PPP4R3B: variants seen among roughly 807,000 people sequenced by gnomAD.
The protein encoded by PPP4R3B is serine/threonine-protein phosphatase 4 regulatory subunit 3B.
A neutral mutation model predicts 95.4 loss-of-function variants in PPP4R3B; 52 were observed. That is an observed-to-expected ratio of 0.54 (90% CI 0.44 to 0.69). PPP4R3B has a LOEUF of 0.69. Ranked by LOEUF, PPP4R3B falls within the 30% of genes least tolerant of loss-of-function variation. PPP4R3B has a pLI of 0.00. For missense variants in PPP4R3B, 1,003 were observed against 1,005.9 expected, an observed-to-expected ratio of 1.00 and a Z score of 0.04; for synonymous variants, 407 against 343.9, an observed-to-expected ratio of 1.18 and a Z score of -2.03.
At chr2:55,578,920 T>C (rs1689061912) in intron 9 of PPP4R3B, among the ~76,000 whole-genome samples, 1 of 152,110 alleles carries the variant, frequency 6.6e-6, no homozygotes. Flanking sequence ...TATGTTAGTA[T>C]GTAGTATGGT....
chr2:55,604,279 T>C lies in PPP4R3B; in HGVS notation c.199-203A>G, dbSNP rs2627763. ...ATACTAAAAATGACTGAGCAATTTT[T>C]TAAAACAAAAAATATTAAAACAGGC... On this transcript the variant is annotated intron_variant, in intron 2 of 16. Transcript: ENST00000616407. Among the ~76,000 whole-genome samples, 142,315 of 152,248 alleles carry C rather than the reference T, an allele frequency of 0.93. 67,103 individuals are homozygous for C. The highest frequency in any genetic ancestry group is 0.98 in the African/African-American group (40,780 of 41,552).
At chr2:55,554,471 T>C (rs548441112) in intron 16 of PPP4R3B, among the ~76,000 whole-genome samples, 1 of 152,368 alleles carries the variant, frequency 6.6e-6, no homozygotes, top group Non-Finnish European at 1.5e-5. Context: ...AATGCTATCA[T>C]ATTGTGATTT....
At chr2:55,587,230 G>A (rs1690267672) in intron 5 of PPP4R3B, among the ~76,000 whole-genome samples, 1 of 152,204 alleles carries the variant, frequency 6.6e-6, no homozygotes, top group Non-Finnish European at 1.5e-5. Context: ...TACTTTTAAT[G>A]GGGTGCCAGT....
At chr2:55,571,704 C>T (rs966477008) in intron 12 of PPP4R3B, among the ~76,000 whole-genome samples, 2 of 152,206 alleles carry the variant, frequency 1.3e-5, no homozygotes, top group African/African-American at 4.8e-5. Flanking sequence ...CAGCTCACTG[C>T]AACCCCCGTC....
intron 15 of PPP4R3B, among the ~76,000 whole-genome samples, chr2:55,562,577 T>C (rs1317359886): frequency 6.6e-6 from 1 of 152,220 alleles, no homozygotes; most frequent in Non-Finnish European, 1.5e-5. Flanking sequence ...CTGTTAAGCC[T>C]ACAGAACTGT....
chr2:55,584,089 T>C lies in PPP4R3B; in HGVS notation c.1233+962A>G, dbSNP rs573664059. On this transcript the variant is annotated intron_variant, in intron 7 of 16. Coordinates refer to ENST00000616407, the MANE Select transcript of PPP4R3B (RefSeq NM_001122964.3). ...GCGTGGTGGCGCACAGAGGTTACAG[T>C]GAGCCGAGAATGCGCCATTGCACTC... is the stretch of plus-strand genomic sequence containing the variant. Among the ~76,000 whole-genome samples, 13 of 152,056 alleles carry C rather than the reference T, an allele frequency of 8.5e-5. No individual in the cohort carries two copies. In the East Asian group the frequency reaches 2.5e-3, roughly 29 times the overall value.
chr2:55,564,511 A>G lies in PPP4R3B; in HGVS notation c.2076-14T>C, dbSNP rs1687039138. ...ATAGATGGTACACTGTAAGAAATATATCACAAATATTGAGTAATGATTTAA... is the reference window on the plus strand; with the variant it reads ...ATAGATGGTACACTGTAAGAAATATGTCACAAATATTGAGTAATGATTTAA... On this transcript the variant is annotated splice_polypyrimidine_tract_variant and intron_variant, in intron 14 of 16. Coordinates refer to ENST00000616407, the MANE Select transcript of PPP4R3B (RefSeq NM_001122964.3). 1 of 1,567,924 alleles carries G rather than the reference A, an allele frequency of 6.4e-7. No homozygotes were observed. Among genetic ancestry groups the G allele is most frequent in the South Asian group, 1.2e-5 (1 of 83,654 alleles).
chr2:55,562,364 G>A (rs1267543702), intron 15 of PPP4R3B, among the ~76,000 whole-genome samples: 2 of 152,178 alleles, frequency 1.3e-5, no homozygotes, highest in Admixed American at 6.5e-5. Context: ...AGAGGTTGCA[G>A]TGAGCCGAGA....
intron 16 of PPP4R3B, among the ~76,000 whole-genome samples, chr2:55,550,733 TC>T (rs1475665893): frequency 6.6e-6 from 1 of 152,176 alleles, no homozygotes; most frequent in African/African-American, 2.4e-5. Context: ...TGTATTTAGT[TC>T]AAACCCTTCA....
chr2:55,560,645 C>G (rs1299871421), intron 15 of PPP4R3B, among the ~76,000 whole-genome samples: 1 of 151,902 alleles, frequency 6.6e-6, no homozygotes, highest in African/African-American at 2.4e-5. Context: ...GGCGTGGTGG[C>G]ACACACCTAT....
intron 7 of PPP4R3B, among the ~76,000 whole-genome samples, chr2:55,584,102 C>T (rs188097044): frequency 1.5e-4 from 23 of 151,904 alleles, no homozygotes; most frequent in Admixed American, 7.2e-4. Context: ...GCCGAGAATG[C>T]GCCATTGCAC....
intron 11 of PPP4R3B, among the ~76,000 whole-genome samples, chr2:55,576,592 A>T (rs887011709): frequency 1.3e-5 from 2 of 151,448 alleles, no homozygotes; most frequent in Non-Finnish European, 2.9e-5. Flanking sequence ...AATACAAAAA[A>T]TCGGGAGGCT....
In PPP4R3B at chr2:55,591,745, A is replaced by G. The variant is rs1043507515; in HGVS notation, c.922-2789T>C. 5 of 742,532 alleles carry G rather than the reference A, an allele frequency of 6.7e-6. No individual in the cohort carries two copies. The African/African-American group carries it at 7.6e-5, about 11-fold the overall frequency. The allele number at this position is 742,532 out of a possible 1,614,324, so 46.0% of individuals were successfully genotyped here. On this transcript the variant is annotated intron_variant, in intron 4 of 16. Transcript: ENST00000616407. The stretch of plus-strand genomic sequence containing the variant: ...GCAATCTCAATTATTACAGTCCATT[A>G]AGAGAATATGTATTCCTAGTATTTT...
At chr2:55,559,330 G>A (rs1324888372) in intron 15 of PPP4R3B, among the ~76,000 whole-genome samples, 4 of 151,894 alleles carry the variant, frequency 2.6e-5, no homozygotes, top group Non-Finnish European at 5.9e-5. Context: ...TGGGCAACAA[G>A]AGCGAAACTC....
chr2:55,605,236 G>A (rs1002349171), intron 2 of PPP4R3B, among the ~76,000 whole-genome samples: 1 of 151,972 alleles, frequency 6.6e-6, no homozygotes, highest in African/African-American at 2.4e-5. Flanking sequence ...CTAAAACTTT[G>A]ATTTTCAAAA....
intron 4 of PPP4R3B, among the ~76,000 whole-genome samples, chr2:55,591,296 C>A (rs1028047568): frequency 2.0e-5 from 3 of 151,180 alleles, no homozygotes; most frequent in African/African-American, 7.4e-5. Flanking sequence ...GCCACCATAC[C>A]TGGCTATTTT....
intron 9 of PPP4R3B, among the ~76,000 whole-genome samples, chr2:55,578,599 T>C (rs1689010824): frequency 6.6e-6 from 1 of 152,090 alleles, no homozygotes. Context: ...TTAACTGCTA[T>C]ATAGTATTCC....
intron 11 of PPP4R3B, among the ~76,000 whole-genome samples, chr2:55,575,744 G>C (rs1688584668): frequency 6.6e-6 from 1 of 152,008 alleles, no homozygotes; most frequent in Admixed American, 6.6e-5. Context: ...GGCTAGACAA[G>C]GAAATATTAA....
intron 4 of PPP4R3B, among the ~76,000 whole-genome samples, chr2:55,593,992 T>C (rs888292218): frequency 6.6e-6 from 1 of 152,122 alleles, no homozygotes; most frequent in Admixed American, 6.5e-5. Flanking sequence ...TGTTAAAAAA[T>C]AATGAAATCA....
Sources: gnomAD v4.1 joint callset for allele counts (sites outside exome capture counted in the v4.1 genomes callset) on GRCh38, gnomAD v4.1.1 for gene constraint, MANE v1.5 for transcripts, NCBI Gene and HGNC (gene_info 2026-07-23, HGNC 2026-07-21) for gene names.